Variants in CENPP observed in about 807,000 individuals in gnomAD.
CENPP encodes centromere protein P.
In CENPP, 24 loss-of-function variants were observed where a neutral mutation model predicts 35.6. That is an observed-to-expected ratio of 0.67 (90% CI 0.49 to 0.95). CENPP has a LOEUF of 0.95. Ranked by LOEUF, CENPP falls within the 40% of genes least tolerant of loss-of-function variation. The pLI, the probability that CENPP is intolerant of heterozygous loss-of-function variation, is 0.00. For synonymous variants in CENPP, 120 were observed against 125.5 expected (o/e 0.96, Z 0.29); for missense variants, 332 against 345.3 (o/e 0.96, Z 0.31).
chr9:92,414,918 A>G (rs1843543624), intron 5 of CENPP: 1 of 330,056 alleles, frequency 3.0e-6, no homozygotes, highest in Admixed American at 4.7e-5. Flanking sequence ...TTAACGTTTA[A>G]TTTATGATTC....
chr9:92,453,086 T>C (rs1844763636), intron 5 of CENPP, among the ~76,000 whole-genome samples: 1 of 152,180 alleles, frequency 6.6e-6, no homozygotes, highest in African/African-American at 2.4e-5. Context: ...GGGTTTTTTA[T>C]GTCTCTATTT....
intron 5 of CENPP, chr9:92,502,570 A>C: frequency 6.2e-7 from 1 of 1,612,464 alleles, no homozygotes; most frequent in East Asian, 2.2e-5. Context: ...GTTATAACGT[A>C]GTACAATGAC....
intron 5 of CENPP, chr9:92,460,364 A>G (rs1845060467): frequency 1.6e-6 from 1 of 641,554 alleles, no homozygotes; most frequent in African/African-American, 1.9e-5. Flanking sequence ...TTCCCTTCAC[A>G]CTCTCCAGTT....
chr9:92,505,884 T>C (rs1417198886), intron 5 of CENPP, among the ~76,000 whole-genome samples: 1 of 152,126 alleles, frequency 6.6e-6, no homozygotes, highest in Non-Finnish European at 1.5e-5. Context: ...CAACCAGAAC[T>C]AAATGCATGG....
chr9:92,582,359 A>G (rs1850447773), intron 5 of CENPP, among the ~76,000 whole-genome samples: 1 of 152,208 alleles, frequency 6.6e-6, no homozygotes, highest in Non-Finnish European at 1.5e-5. Context: ...CACCTGGCCC[A>G]AAGACACAGT....
chr9:92,451,366 T>A (rs1446105374), intron 5 of CENPP, among the ~76,000 whole-genome samples: 1 of 146,498 alleles, frequency 6.8e-6, no homozygotes, highest in Non-Finnish European at 1.5e-5. Flanking sequence ...CCTTTCCCCA[T>A]TGCTTGTTTT....
intron 4 of CENPP, among the ~76,000 whole-genome samples, chr9:92,352,862 C>T (rs533322847): frequency 6.6e-6 from 1 of 152,028 alleles, no homozygotes; most frequent in South Asian, 2.1e-4. Context: ...CCCTCACAGA[C>T]GCACCCAGGA....
intron 5 of CENPP, among the ~76,000 whole-genome samples, chr9:92,428,878 T>A (rs111763798): frequency 0.038 from 5,731 of 151,976 alleles, 144 homozygotes; most frequent in Middle Eastern, 0.075. Context: ...CCACACTGGC[T>A]TCTTTTTGAC....
At chr9:92,352,505 G>GTGTGTGTGTGTATATATATATATATATA in intron 4 of CENPP, among the ~76,000 whole-genome samples, 6 of 49,782 alleles carry the variant, frequency 1.2e-4, no homozygotes, top group African/African-American at 1.8e-4. Context: ...GTGTGTGTGT[G>GTGTGTGTGTGTATATATATATATATATA]TATACATATA....
chr9:92,618,309 T>A lies in CENPP; in HGVS notation c.*5160T>A, dbSNP rs1324814397. 6.6e-6 allele frequency: 3 copies of A among 456,458 alleles called. No homozygotes were observed. The highest frequency in any genetic ancestry group is 4.0e-5 in the African/African-American group (2 of 50,006). The allele number at this position is 456,458 out of a possible 1,614,324, so 28.3% of individuals were successfully genotyped here. On this transcript the variant is annotated 3_prime_UTR_variant, in exon 8 of 8. Transcript: ENST00000375587. Reference sequence around the variant, plus strand: ...CTTCAGGACATGCCCTCCCCTCCCCTCCTAGTGTCGTTTCTGCTGAGCAGC... The same window carrying A: ...CTTCAGGACATGCCCTCCCCTCCCCACCTAGTGTCGTTTCTGCTGAGCAGC...
At chr9:92,352,499 G>GTATACATATA in intron 4 of CENPP, among the ~76,000 whole-genome samples, 1 of 79,152 alleles carries the variant, frequency 1.3e-5, no homozygotes, top group African/African-American at 9.3e-5. Context: ...GTGTGTGTGT[G>GTATACATATA]TGTGTGTATA....
In CENPP at chr9:92,612,526, T is replaced by C; in HGVS notation, c.648T>C (p.Phe216=). The C allele has an allele frequency of 6.2e-7, 1 of 1,612,604 alleles. No homozygotes were observed. The highest frequency in any genetic ancestry group is 2.2e-5 in the East Asian group (1 of 44,882). ...MGIRSASRPG[F]ELVIVWRIQI... ...ACATGTTTTACTGCTTTTTCAGGTT[T>C]GAATTAGTCATTGTTTGGAGGATAC... Residue 216 remains phenylalanine, a synonymous_variant, in exon 7 of 8, where the codon TTT becomes TTC. Coordinates refer to ENST00000375587, the MANE Select transcript of CENPP (RefSeq NM_001012267.3).
chr9:92,450,643 T>C (rs1289475802), intron 5 of CENPP, among the ~76,000 whole-genome samples: 3 of 152,206 alleles, frequency 2.0e-5, no homozygotes, highest in Non-Finnish European at 2.9e-5. Flanking sequence ...ATGGTATTTC[T>C]AGTTCCAGAT....
Position 92,530,910 on chromosome 9 carries a change from C to T in CENPP, c.565-80404C>T, listed in dbSNP as rs537472709. On this transcript the variant is annotated intron_variant, in intron 5 of 7. Transcript: ENST00000375587. ...ATGCCCATGAGTACCCAATGTTTAG[C>T]TCTTACTTATAAGGGAGAACATGTG... is the stretch of plus-strand genomic sequence containing the variant. 6.6e-5 allele frequency among the ~76,000 whole-genome samples: 10 copies of T among 152,272 alleles called. No individual in the cohort carries two copies. In the South Asian group the frequency reaches 1.9e-3, roughly 28 times the overall value.
At chr9:92,594,596 G>A (rs1165902375) in intron 5 of CENPP, among the ~76,000 whole-genome samples, 3 of 152,046 alleles carry the variant, frequency 2.0e-5, no homozygotes, top group African/African-American at 7.3e-5. Context: ...TCTCTGCCTA[G>A]TATTCATTTT....
intron 5 of CENPP, chr9:92,505,515 A>G (rs777711364): frequency 6.4e-7 from 1 of 1,565,268 alleles, no homozygotes; most frequent in Non-Finnish European, 8.6e-7. Context: ...TTAAAACACT[A>G]AAAAAATATA....
intron 5 of CENPP, among the ~76,000 whole-genome samples, chr9:92,397,271 T>G (rs1335765790): frequency 6.6e-6 from 1 of 152,166 alleles, no homozygotes; most frequent in Non-Finnish European, 1.5e-5. Context: ...CCTTGCATTT[T>G]TCCTGCCCCA....
At chr9:92,463,882 T>C (rs1175491520) in intron 5 of CENPP, among the ~76,000 whole-genome samples, 2 of 152,376 alleles carry the variant, frequency 1.3e-5, no homozygotes, top group East Asian at 3.9e-4. Flanking sequence ...TTTCCTCTTT[T>C]ACTTTAGATG....
At chr9:92,571,231 C>A (rs1028204204) in intron 5 of CENPP, among the ~76,000 whole-genome samples, 4 of 151,578 alleles carry the variant, frequency 2.6e-5, no homozygotes, top group African/African-American at 4.8e-5. Context: ...CTATAAATTT[C>A]GCTCTACACA....
Sources: gnomAD v4.1 joint callset for allele counts (sites outside exome capture counted in the v4.1 genomes callset) on GRCh38, gnomAD v4.1.1 for gene constraint, MANE v1.5 for transcripts, NCBI Gene and HGNC (gene_info 2026-07-23, HGNC 2026-07-21) for gene names.